INHBC: variants seen among roughly 807,000 people sequenced by gnomAD.
INHBC encodes the protein inhibin subunit beta C.
In INHBC, 10 loss-of-function variants were observed where a neutral mutation model predicts 12.4. The observed-to-expected ratio is 0.81, with a 90% CI of 0.50 to 1.37. The LOEUF is 1.37. INHBC is among the 40% of genes most tolerant of loss of function. The pLI is 0.00. For missense variants in INHBC, 382 were observed against 439.4 expected (o/e 0.87, Z 1.17); for synonymous variants, 147 against 171.6 (o/e 0.86, Z 1.12).
intron 1 of INHBC, among the ~76,000 whole-genome samples, chr12:57,443,321 G>C (rs953778847): frequency 2.0e-5 from 3 of 150,692 alleles, no homozygotes; most frequent in Non-Finnish European, 4.4e-5. Context: ...TTTCACTCTT[G>C]TTGCCCAGGC....
intron 1 of INHBC, among the ~76,000 whole-genome samples, chr12:57,437,838 T>G (rs1225995127): frequency 6.6e-6 from 1 of 151,496 alleles, no homozygotes; most frequent in East Asian, 2.0e-4. Flanking sequence ...CAGGCTGGAG[T>G]GCAGTGGCAC....
intron 1 of INHBC, among the ~76,000 whole-genome samples, chr12:57,439,127 A>G (rs1360554366): frequency 1.3e-5 from 2 of 152,214 alleles, no homozygotes; most frequent in African/African-American, 2.4e-5. Context: ...CAGTTATTAA[A>G]CATTTACCAG....
rs1164141887 is a variant in INHBC, at chr12:57,449,925, C to A, written c.962C>A (p.Ala321Asp). ...TGGGSCCVPT[A>D]RRPLSLLYYD... is the part of the protein sequence containing the mutation. ...GGGGGCTCATGCTGTGTACCCACGG[C>A]CCGGCGCCCCCTGTCTCTGCTCTAT... The change falls in exon 2 of 2, where the codon GCC (alanine) becomes GAC (aspartate). Residue 321 changes from alanine (A) to aspartate (D), a missense_variant. By Grantham distance (126) the Ala-to-Asp change is moderately radical. Transcript: ENST00000309668. 4 of 1,593,438 alleles carry A rather than the reference C, an allele frequency of 2.5e-6. No individual in the cohort carries two copies. The highest frequency in any genetic ancestry group is 8.6e-7 in the Non-Finnish European group (1 of 1,169,058).
At chr12:57,435,844 A>AC (rs1566548913) in intron 1 of INHBC, among the ~76,000 whole-genome samples, 2 of 145,680 alleles carry the variant, frequency 1.4e-5, no homozygotes, top group African/African-American at 5.1e-5. Flanking sequence ...ACATAGCAAG[A>AC]CCCTTTTTTT....
Position 57,449,882 on chromosome 12 carries a change from G to A in INHBC, c.919G>A (p.Ala307Thr), listed in dbSNP as rs199827571. The A allele has an allele frequency of 2.3e-5, 37 of 1,612,126 alleles. No homozygotes were observed. The highest frequency in any genetic ancestry group is 2.7e-5 in the Non-Finnish European group (32 of 1,178,832). Residue 307 changes from alanine (A) to threonine (T), a missense_variant, in exon 2 of 2, where the codon GCT becomes ACT. Ala to Thr is a moderately conservative substitution (Grantham distance 58). Transcript: ENST00000309668. ...AVLNLLKANT[A>T]AGTTGGGSCC... Reference sequence around the variant, plus strand: ...GCTCAATCTTCTCAAGGCCAACACAGCTGCAGGCACCACTGGAGGGGGCTC... The same window carrying A: ...GCTCAATCTTCTCAAGGCCAACACAACTGCAGGCACCACTGGAGGGGGCTC...
At chr12:57,440,355 A>G in intron 1 of INHBC, among the ~76,000 whole-genome samples, 1 of 110,866 alleles carries the variant, frequency 9.0e-6, no homozygotes, top group African/African-American at 3.4e-5. Context: ...TTTTTTTGAG[A>G]CGGAGTCTTG....
chr12:57,451,885 G>T lies in INHBC; in HGVS notation c.*1863G>T. ...ATTACAGCTTAGTCTCCAGGGCTAG[G>T]ACTGGGGTAAAGCAAAGTGAGTCAT... On this transcript the variant is annotated 3_prime_UTR_variant, in exon 2 of 2. Coordinates refer to ENST00000309668, the MANE Select transcript of INHBC (RefSeq NM_005538.4). 1 of 455,312 alleles carries T rather than the reference G, an allele frequency of 2.2e-6. No homozygotes were observed. Among genetic ancestry groups the T allele is most frequent in the Non-Finnish European group, 4.4e-6 (1 of 226,592 alleles). 28.2% of individuals were successfully genotyped at this position (455,312 alleles called of 1,614,324 possible). A position where few individuals can be genotyped will look rare whatever the true frequency, so the allele number is the denominator to read the frequency against.
chr12:57,437,996 G>A (rs1364154988), intron 1 of INHBC, among the ~76,000 whole-genome samples: 4 of 152,022 alleles, frequency 2.6e-5, no homozygotes, highest in Non-Finnish European at 5.9e-5. Flanking sequence ...ATGTTGGCCA[G>A]GCTGGTCTCG....
chr12:57,451,842 G>C lies in INHBC; in HGVS notation c.*1820G>C. On this transcript the variant is annotated 3_prime_UTR_variant, in exon 2 of 2. Transcript: ENST00000309668. ...CTCCCCCACACATCCCCGACCCCCA[G>C]ATCTAACCTCCTTCCCAATTACAGC... The C allele has an allele frequency of 4.4e-6, 2 of 455,730 alleles. No individual in the cohort carries two copies. Among genetic ancestry groups the C allele is most frequent in the South Asian group, 3.1e-5 (2 of 64,540 alleles). 28.2% of individuals were successfully genotyped at this position (455,730 alleles called of 1,614,324 possible).
At chr12:57,437,213 C>T (rs571504226) in intron 1 of INHBC, among the ~76,000 whole-genome samples, 107 of 152,166 alleles carry the variant, frequency 7.0e-4, no homozygotes, top group Non-Finnish European at 1.1e-3. Flanking sequence ...CACCACTGCC[C>T]TCCAGCCTGG....
rs1170429837 is a variant in INHBC at position 57,451,740 on chromosome 12, G to A, written c.*1718G>A. 2.4e-6 allele frequency: 1 copy of A among 411,166 alleles called. No homozygotes were observed. Among genetic ancestry groups the A allele is most frequent in the East Asian group, 7.2e-5 (1 of 13,840 alleles). The allele number at this position is 411,166 out of a possible 1,614,324, so 25.5% of individuals were successfully genotyped here. ...AAATCTGAGCTTGAGGGCTTCCTGA[G>A]CAACCCATGGAAGTTATCCCACCTT... On this transcript the variant is annotated 3_prime_UTR_variant, in exon 2 of 2. Coordinates refer to ENST00000309668, the MANE Select transcript of INHBC (RefSeq NM_005538.4).
intron 1 of INHBC, 93 bp downstream of exon 1, chr12:57,435,292 A>G: frequency 1.7e-6 from 2 of 1,201,114 alleles, no homozygotes; most frequent in African/African-American, 1.5e-5. Flanking sequence ...TCCTTCCCCA[A>G]AAACCATCCA....
At chr12:57,446,298 CAGAT>C (rs1297002235) in intron 1 of INHBC, among the ~76,000 whole-genome samples, 3 of 151,764 alleles carry the variant, frequency 2.0e-5, no homozygotes, top group Non-Finnish European at 4.4e-5. Flanking sequence ...AGTCAAATAT[CAGAT>C]AGCCACTTGG....
At chr12:57,440,455 C>G (rs576745316) in intron 1 of INHBC, among the ~76,000 whole-genome samples, 1 of 151,426 alleles carries the variant, frequency 6.6e-6, no homozygotes, top group South Asian at 2.1e-4. Flanking sequence ...GCCTCAGCCT[C>G]CTGAGTAGCT....
At chr12:57,445,218 A>C (rs1870548921) in intron 1 of INHBC, among the ~76,000 whole-genome samples, 1 of 152,230 alleles carries the variant, frequency 6.6e-6, no homozygotes, top group African/African-American at 2.4e-5. Context: ...TTCCTATTTC[A>C]AGGAGTTTAG....
chr12:57,442,861 G>A (rs1870493961), intron 1 of INHBC, among the ~76,000 whole-genome samples: 1 of 151,858 alleles, frequency 6.6e-6, no homozygotes, highest in South Asian at 2.1e-4. Context: ...CATGGTGGCA[G>A]GTGCCTCTAA....
At chr12:57,449,251 A>C in intron 1 of INHBC, 26 bp from the exon 2 acceptor site, 2 of 1,586,796 alleles carry the variant, frequency 1.3e-6, no homozygotes, top group Non-Finnish European at 1.7e-6. Flanking sequence ...GAAGGCCGCA[A>C]TGACTGGGGC....
At chr12:57,442,859 C>T (rs1870493863) in intron 1 of INHBC, among the ~76,000 whole-genome samples, 1 of 151,798 alleles carries the variant, frequency 6.6e-6, no homozygotes, top group East Asian at 2.0e-4. Flanking sequence ...GGCATGGTGG[C>T]AGGTGCCTCT....
intron 1 of INHBC, among the ~76,000 whole-genome samples, chr12:57,443,265 G>T (rs34131849): frequency 4.7e-5 from 7 of 150,152 alleles, no homozygotes; most frequent in Admixed American, 1.3e-4. Context: ...CTACAGGGGC[G>T]TGCCACCATG....
Sources: allele counts gnomAD v4.1 joint callset (sites outside exome capture counted in the v4.1 genomes callset), GRCh38; gene constraint gnomAD v4.1.1; transcripts MANE v1.5; gene names NCBI Gene and HGNC (gene_info 2026-07-23, HGNC 2026-07-21).